The following PCNX1 variants were observed in gnomAD, a reference collection of about 807,000 sequenced individuals.
PCNX1 encodes the protein pecanex 1.
A neutral mutation model predicts 242.2 loss-of-function variants in PCNX1; 78 were observed. The observed-to-expected ratio is 0.32, with a 90% CI of 0.27 to 0.39. The LOEUF (loss-of-function observed/expected upper bound fraction) is 0.39. PCNX1 is among the 10% of genes least tolerant of loss of function. The pLI, the probability that PCNX1 is intolerant of heterozygous loss-of-function variation, is 1.00. For missense variants in PCNX1, 2,581 were observed against 2,856.5 expected (o/e 0.90, Z 2.20); for synonymous variants, 1,024 against 1,032.9 (o/e 0.99, Z 0.17).
intron 14 of PCNX1, among the ~76,000 whole-genome samples, chr14:71,026,523 G>T (rs994701650): frequency 1.3e-5 from 2 of 151,748 alleles, no homozygotes; most frequent in African/African-American, 2.4e-5. Context: ...GATTTTTTTG[G>T]TTTTGTTATC....
chr14:71,026,360 A>G (rs893921837), intron 14 of PCNX1, 72 bp downstream of exon 14: 1 of 918,428 alleles, frequency 1.1e-6, no homozygotes. Flanking sequence ...TGATAAATAT[A>G]TCAATTATAC....
chr14:70,968,283 C>G, intron 4 of PCNX1, 40 bp downstream of exon 4: 1 of 1,464,630 alleles, frequency 6.8e-7, no homozygotes, highest in East Asian at 2.3e-5. Context: ...CTGCCTTTCC[C>G]TTTCATTTTG....
Position 71,062,222 on chromosome 14 carries a change from T to G in PCNX1, c.4852+4498T>G, listed in dbSNP as rs2061342397. Among the ~76,000 whole-genome samples, 3 of 151,970 alleles carry G rather than the reference T, an allele frequency of 2.0e-5. No individual in the cohort carries two copies. The South Asian group carries it at 6.2e-4, about 32-fold the overall frequency. On this transcript the variant is annotated intron_variant, in intron 26 of 35. Coordinates refer to ENST00000304743, the MANE Select transcript of PCNX1 (RefSeq NM_014982.3). Reference sequence around the variant, plus strand: ...TTCAGGGGGTATCCAGAGGAAGTCATTGTTGTCATAGGAGATGGCAGCTCC... The same window carrying G: ...TTCAGGGGGTATCCAGAGGAAGTCAGTGTTGTCATAGGAGATGGCAGCTCC...
intron 1 of PCNX1, among the ~76,000 whole-genome samples, chr14:70,936,498 T>C (rs973390122): frequency 6.6e-6 from 1 of 152,232 alleles, no homozygotes; most frequent in Admixed American, 6.5e-5. Flanking sequence ...CCATGGTGTA[T>C]ATGTGCCACA....
Position 71,105,434 on chromosome 14 carries a change from A to G in PCNX1, c.6295A>G (p.Thr2099Ala). The change falls in exon 33 of 36, where the codon ACA becomes GCA. Residue 2099 changes from threonine (T) to alanine (A), a missense_variant. By Grantham distance (58) the Thr-to-Ala change is moderately conservative. Transcript: ENST00000304743. The stretch of plus-strand genomic sequence containing the variant: ...CCCACCTGTCACATCTTATCCTCCA[A>G]CACTAGGTAATGTGAAACAAAGTTA... ...LHPPVTSYPP[T>A]LGTSHSSHSV... 2 of 1,612,530 alleles carry G rather than the reference A, an allele frequency of 1.2e-6. No individual in the cohort carries two copies. The highest frequency in any genetic ancestry group is 1.3e-5 in the African/African-American group (1 of 75,014).
chr14:71,043,412 C>T (rs541497918), intron 19 of PCNX1, among the ~76,000 whole-genome samples: 1 of 152,176 alleles, frequency 6.6e-6, no homozygotes, highest in East Asian at 1.9e-4. Context: ...GCCATTTCTT[C>T]TAGAAACTCC....
chr14:71,037,652 G>T (rs1174555900), intron 19 of PCNX1, among the ~76,000 whole-genome samples: 2 of 151,490 alleles, frequency 1.3e-5, no homozygotes, highest in African/African-American at 4.9e-5. Context: ...CTTGATCATG[G>T]TGGATAAGCT....
At chr14:70,936,651 A>G (rs1446612026) in intron 1 of PCNX1, among the ~76,000 whole-genome samples, 5 of 152,202 alleles carry the variant, frequency 3.3e-5, no homozygotes, top group African/African-American at 1.2e-4. Flanking sequence ...GTACCCAGTA[A>G]TGGGATGGCT....
chr14:70,978,480 C>T lies in PCNX1; in HGVS notation c.2143C>T (p.Pro715Ser). ...GTTAATGGCACCTGAAAGTATAAAG[C>T]CCTTAACCACTTCAAAATCAGATCT... ...NRLMAPESIK[P>S]LTTSKSDLEA... is the part of the protein sequence containing the mutation. The change falls in exon 6 of 36, where the codon CCC becomes TCC. Residue 715 changes from proline (P) to serine (S), a missense_variant. This residue lies in a region of PCNX1 where 1,204 missense variants were observed against 1,216.7 expected (regional missense o/e 0.99). Coordinates refer to ENST00000304743, the MANE Select transcript of PCNX1 (RefSeq NM_014982.3). The T allele has an allele frequency of 1.2e-6, 2 of 1,614,100 alleles. No homozygotes were observed. The highest frequency in any genetic ancestry group is 2.2e-5 in the East Asian group (1 of 44,872).
chr14:70,978,182 G>T lies in PCNX1; in HGVS notation c.1845G>T (p.Gln615His), dbSNP rs1415163087. The stretch of plus-strand genomic sequence containing the variant: ...ACTTGAGTAGAGCATCAAGTGTTCA[G>T]TCTGCTCACCAGTTCAGCAGTGATA... ...QSDLSRASSV[Q>H]SAHQFSSDSS... Residue 615 changes from glutamine (Q) to histidine (H), a missense_variant, in exon 6 of 36, where the codon CAG (glutamine) becomes CAT (histidine). Coordinates refer to ENST00000304743, the MANE Select transcript of PCNX1 (RefSeq NM_014982.3). The T allele has an allele frequency of 6.2e-7, 1 of 1,614,120 alleles. No individual in the cohort carries two copies. Among genetic ancestry groups the T allele is most frequent in the East Asian group, 2.2e-5 (1 of 44,882 alleles).
intron 2 of PCNX1, among the ~76,000 whole-genome samples, chr14:70,949,563 G>C (rs2526851): frequency 0.7 from 106,884 of 151,916 alleles, 37,586 homozygotes; most frequent in South Asian, 0.77. Context: ...AAATTTGTTT[G>C]AATTGTATAT....
chr14:70,982,951 G>A (rs2058883303), intron 6 of PCNX1, among the ~76,000 whole-genome samples: 2 of 152,186 alleles, frequency 1.3e-5, no homozygotes, highest in African/African-American at 2.4e-5. Context: ...AGACTCCAAT[G>A]AGCTTAAACC....
chr14:71,042,581 G>A (rs543948617), intron 19 of PCNX1, among the ~76,000 whole-genome samples: 2 of 151,524 alleles, frequency 1.3e-5, no homozygotes, highest in East Asian at 3.9e-4. Context: ...TTAGTTTCCT[G>A]TAGGCAGCAT....
intron 8 of PCNX1, 57 bp downstream of exon 8, chr14:70,995,982 G>C: frequency 1.6e-6 from 2 of 1,254,556 alleles, no homozygotes; most frequent in African/African-American, 1.5e-5. Context: ...GCAGATGATG[G>C]GTAACAATTG....
chr14:70,948,221 A>G (rs2057538217), intron 2 of PCNX1, among the ~76,000 whole-genome samples: 1 of 151,988 alleles, frequency 6.6e-6, no homozygotes, highest in Non-Finnish European at 1.5e-5. Context: ...CCCATACCCT[A>G]TTCATACACC....
chr14:71,000,976 G>A (rs2059489112), intron 8 of PCNX1, among the ~76,000 whole-genome samples: 1 of 152,250 alleles, frequency 6.6e-6, no homozygotes, highest in East Asian at 1.9e-4. Flanking sequence ...GAAAGTTATT[G>A]TCTTGTCTTA....
At chr14:70,930,329 T>C (rs2140153039) in intron 1 of PCNX1, among the ~76,000 whole-genome samples, 1 of 152,282 alleles carries the variant, frequency 6.6e-6, no homozygotes, top group Non-Finnish European at 1.5e-5. Context: ...ATCAAGCTGC[T>C]CATCTCTAAC....
intron 28 of PCNX1, among the ~76,000 whole-genome samples, chr14:71,080,815 CAG>C (rs1268559085): frequency 9.2e-5 from 14 of 152,202 alleles, no homozygotes; most frequent in African/African-American, 3.1e-4. Flanking sequence ...CATCTGGAAA[CAG>C]AGACAATTTG....
At chr14:70,979,192 T>TA (rs1343159672) in intron 6 of PCNX1, among the ~76,000 whole-genome samples, 4 of 152,282 alleles carry the variant, frequency 2.6e-5, no homozygotes, top group Admixed American at 2.6e-4. Flanking sequence ...TTTTAGGCGT[T>TA]ACGAAAATAC....
Sources: allele counts gnomAD v4.1 joint callset (sites outside exome capture counted in the v4.1 genomes callset), GRCh38; gene constraint gnomAD v4.1.1; regional missense constraint gnomAD v4.1.1; transcripts MANE v1.5; gene names NCBI Gene and HGNC (gene_info 2026-07-23, HGNC 2026-07-21).